NLRC4: variants seen among roughly 807,000 people sequenced by gnomAD.
The protein encoded by NLRC4 is NLR family CARD domain-containing protein 4.
Under a neutral mutation model 79.9 loss-of-function variants are expected in NLRC4, and 63 were observed. The ratio of observed to expected loss-of-function variants is 0.79; its 90% CI spans 0.64 to 0.97. The LOEUF (loss-of-function observed/expected upper bound fraction) is 0.97, where lower values mean the gene tolerates loss of function less well. Ranked by LOEUF, NLRC4 falls within the 50% of genes least tolerant of loss-of-function variation. The probability of loss-of-function intolerance (pLI) is 0.00; values close to 1 mark genes in which losing one functional copy is unlikely to be tolerated. For missense variants in NLRC4, 1,074 were observed against 1,215.2 expected, an observed-to-expected ratio of 0.88 and a Z score of 1.73; for synonymous variants, 461 against 456.5, an observed-to-expected ratio of 1.01 and a Z score of -0.12.
chr2:32,235,906 C>T (rs1314832823), intron 7 of NLRC4, among the ~76,000 whole-genome samples: 2 of 151,874 alleles, frequency 1.3e-5, no homozygotes, highest in Non-Finnish European at 1.5e-5. Context: ...TTTCTTTTAA[C>T]CATAATCACA....
At chr2:32,233,649 T>TA (rs1686606303) in intron 8 of NLRC4, among the ~76,000 whole-genome samples, 1 of 152,180 alleles carries the variant, frequency 6.6e-6, no homozygotes, top group African/African-American at 2.4e-5. Context: ...TCAGAGAAGA[T>TA]ACTTGAATCA....
rs1307089920 is a variant in NLRC4 at position 32,246,188 on chromosome 2, AAAT to A, written c.2257+3416_2257+3418del. 2.6e-5 allele frequency among the ~76,000 whole-genome samples: 4 copies of A among 152,236 alleles called. No homozygotes were observed. The East Asian group carries it at 7.7e-4, about 29-fold the overall frequency. ...GACAGAGTGAGACCCTGTCTCAAAA[AAAT>A]AATAATTAAATAAAGTAAATACTTT... On this transcript the variant is annotated intron_variant, in intron 4 of 8. Coordinates refer to ENST00000402280, the MANE Select transcript of NLRC4 (RefSeq NM_001199138.2).
At chr2:32,231,849 C>T (rs1455783675) in intron 8 of NLRC4, among the ~76,000 whole-genome samples, 1 of 152,154 alleles carries the variant, frequency 6.6e-6, no homozygotes, top group African/African-American at 2.4e-5. Flanking sequence ...CGTGAGCCAC[C>T]ACACCCAGCC....
intron 8 of NLRC4, among the ~76,000 whole-genome samples, chr2:32,234,042 A>G (rs1440704202): frequency 6.6e-6 from 1 of 152,212 alleles, no homozygotes; most frequent in East Asian, 1.9e-4. Flanking sequence ...ATAGTGGCAC[A>G]ATAATATGAA....
At chr2:32,244,093 T>C (rs536855911) in intron 4 of NLRC4, among the ~76,000 whole-genome samples, 1 of 151,858 alleles carries the variant, frequency 6.6e-6, no homozygotes, top group Non-Finnish European at 1.5e-5. Flanking sequence ...CTACAAAAAA[T>C]TTAAAAATTA....
At chr2:32,244,862 G>A (rs1686892891) in intron 4 of NLRC4, among the ~76,000 whole-genome samples, 1 of 150,240 alleles carries the variant, frequency 6.7e-6, no homozygotes, top group Non-Finnish European at 1.5e-5. Context: ...GGGGGAGGGG[G>A]AAGGAGAGGG....
intron 8 of NLRC4, among the ~76,000 whole-genome samples, chr2:32,230,537 TCTTGGCTCA>T (rs1433833443): frequency 2.7e-5 from 4 of 150,854 alleles, no homozygotes; most frequent in African/African-American, 9.8e-5. Context: ...AGTGGCGCGA[TCTTGGCTCA>T]CTGCAGCCTC....
At chr2:32,237,330 A>C (rs1686696162) in intron 6 of NLRC4, among the ~76,000 whole-genome samples, 1 of 152,170 alleles carries the variant, frequency 6.6e-6, no homozygotes. Flanking sequence ...ACAATAAAAA[A>C]CCTGCTGAAC....
chr2:32,225,000 C>T (rs780717969), intron 8 of NLRC4, among the ~76,000 whole-genome samples: 1 of 152,002 alleles, frequency 6.6e-6, no homozygotes, highest in African/African-American at 2.4e-5. Context: ...AATAGTGATT[C>T]GTAGTGAGGT....
chr2:32,251,181 C>G lies in NLRC4; in HGVS notation c.683G>C (p.Arg228Thr). Residue 228 changes from arginine to threonine, a missense_variant, in exon 4 of 9, where the codon AGG becomes ACG. By Grantham distance (71) the Arg-to-Thr change is moderately conservative (BLOSUM62 -1). Transcript: ENST00000402280. ...CAGCATGGCCATGAATGTCTGCTTC[C>G]TGATTGTGCCAGGTATATCCAGGAG... ...DQLLDIPGTI[R>T]KQTFMAMLLK... 1 of 1,614,206 alleles carries G rather than the reference C, an allele frequency of 6.2e-7. No individual in the cohort carries two copies. The highest frequency in any genetic ancestry group is 8.5e-7 in the Non-Finnish European group (1 of 1,180,046).
In NLRC4 at chr2:32,240,966, G is replaced by T. The variant is rs1158673131; in HGVS notation, c.2350+67C>A. 6.2e-6 allele frequency: 6 copies of T among 969,214 alleles called. No homozygotes were observed. In the East Asian group the frequency reaches 1.2e-4, roughly 20 times the overall value. The allele number at this position is 969,214 out of a possible 1,614,324, so 60.0% of individuals were successfully genotyped here. A position where few individuals can be genotyped will look rare whatever the true frequency, so the allele number is the denominator to read the frequency against. ...CCTTGTGCAGACACAGCCAATGTCA[G>T]AGCCTGAAGTTAACTCCTCTTATTA... On this transcript the variant is annotated intron_variant, in intron 5 of 8. Coordinates refer to ENST00000402280, the MANE Select transcript of NLRC4 (RefSeq NM_001199138.2).
At chr2:32,226,710 G>A (rs886675943) in intron 8 of NLRC4, among the ~76,000 whole-genome samples, 3 of 152,066 alleles carry the variant, frequency 2.0e-5, no homozygotes, top group African/African-American at 7.2e-5. Flanking sequence ...GAGAAACCCC[G>A]TCTCTAGTAA....
chr2:32,244,739 G>A (rs1686889172), intron 4 of NLRC4, among the ~76,000 whole-genome samples: 1 of 151,828 alleles, frequency 6.6e-6, no homozygotes, highest in Non-Finnish European at 1.5e-5. Flanking sequence ...AGCAGTTTGC[G>A]AGACTGATGG....
At chr2:32,234,216 C>G (rs1384407846) in intron 8 of NLRC4, among the ~76,000 whole-genome samples, 1 of 151,648 alleles carries the variant, frequency 6.6e-6, no homozygotes, top group Admixed American at 6.6e-5. Context: ...TCCATCTCTA[C>G]TAAAAATACA....
chr2:32,237,483 T>C (rs576616044), intron 6 of NLRC4, among the ~76,000 whole-genome samples: 47 of 152,360 alleles, frequency 3.1e-4, no homozygotes, highest in Admixed American at 2.0e-4. Context: ...TTTCTCTAGC[T>C]GTAACTTTAT....
intron 4 of NLRC4, among the ~76,000 whole-genome samples, chr2:32,248,380 G>T (rs1686987868): frequency 6.6e-6 from 1 of 152,130 alleles, no homozygotes; most frequent in Non-Finnish European, 1.5e-5. Flanking sequence ...TGTATGGTTT[G>T]AACACAACTC....
rs187402343 is a variant in NLRC4 at position 32,252,319 on chromosome 2, T to C, written c.262+100A>G. The C allele has an allele frequency of 6.7e-4, 575 of 863,706 alleles. 5 individuals carry two copies. In the East Asian group the frequency reaches 7.5e-3, roughly 11 times the overall value. The allele number at this position is 863,706 out of a possible 1,614,324, so 53.5% of individuals were successfully genotyped here. A position where few individuals can be genotyped will look rare whatever the true frequency, so the allele number is the denominator to read the frequency against. On this transcript the variant is annotated intron_variant, in intron 3 of 8. Transcript: ENST00000402280. Reference sequence around the variant, plus strand: ...TATCAAAGGCCACTGCCAGGTGATATGAAGAGAAGGAAAAGCAGAGGCTCT... The same window carrying C: ...TATCAAAGGCCACTGCCAGGTGATACGAAGAGAAGGAAAAGCAGAGGCTCT...
chr2:32,253,173 G>A (rs973596881), intron 2 of NLRC4, among the ~76,000 whole-genome samples: 4 of 151,424 alleles, frequency 2.6e-5, no homozygotes, highest in Middle Eastern at 3.4e-3. Flanking sequence ...TTTCTGAGAC[G>A]GAGTCTTGCT....
At chr2:32,244,967 G>A (rs1686897353) in intron 4 of NLRC4, among the ~76,000 whole-genome samples, 1 of 151,954 alleles carries the variant, frequency 6.6e-6, no homozygotes, top group Admixed American at 6.6e-5. Flanking sequence ...AGGTGTGGTG[G>A]CACATGTCAG....
Sources: gnomAD v4.1 joint callset for allele counts (sites outside exome capture counted in the v4.1 genomes callset) on GRCh38, gnomAD v4.1.1 for gene constraint, MANE v1.5 for transcripts, NCBI Gene and HGNC (gene_info 2026-07-23, HGNC 2026-07-21) for gene names.